HIP1R: variants seen among roughly 807,000 people sequenced by gnomAD.
HIP1R encodes huntingtin-interacting protein 1-related protein.
In HIP1R, 135 loss-of-function variants were observed where a neutral mutation model predicts 144.2. The ratio of observed to expected loss-of-function variants is 0.94; its 90% CI spans 0.81 to 1.08. The LOEUF (loss-of-function observed/expected upper bound fraction) is 1.08, where lower values mean the gene tolerates loss of function less well. Among genes scored for constraint, HIP1R ranks in the 50% least tolerant of loss-of-function variants. HIP1R has a pLI of 0.00. For synonymous variants in HIP1R, 698 were observed against 612.8 expected (o/e 1.14, Z -2.05); for missense variants, 1,462 against 1,432.8 (o/e 1.02, Z -0.33).
intron 1 of HIP1R, among the ~76,000 whole-genome samples, chr12:122,845,935 T>A (rs1167850237): frequency 4.6e-5 from 7 of 152,178 alleles, no homozygotes; most frequent in Non-Finnish European, 8.8e-5. Flanking sequence ...AGGGTCCCTA[T>A]CTCAGCCCCA....
At chr12:122,850,240 C>T in intron 5 of HIP1R, 1 of 582,936 alleles carries the variant, frequency 1.7e-6, no homozygotes. Context: ...TGGCCGGGTG[C>T]TCCCCTCCTC....
At position 122,860,527 on chromosome 12, in the gene HIP1R, G is replaced by T. The variant is rs1390290997; in HGVS notation, c.2660+4G>T. On this transcript the variant is annotated splice_donor_region_variant and intron_variant, in intron 27 of 31. Transcript: ENST00000253083. Reference sequence around the variant, plus strand: ...GCTGGGGAGCCACACAGCTGGTGTAGGTTGCCCTGGGTGGGGGGGGGCAGG... The same window carrying T: ...GCTGGGGAGCCACACAGCTGGTGTATGTTGCCCTGGGTGGGGGGGGGCAGG... The T allele has an allele frequency of 6.2e-7, 1 of 1,609,744 alleles. No individual in the cohort carries two copies. The highest frequency in any genetic ancestry group is 1.7e-5 in the Admixed American group (1 of 60,000).
Position 122,856,709 on chromosome 12 carries a change from C to G in HIP1R, c.1603C>G (p.Leu535Val). The G allele has an allele frequency of 1.3e-6, 2 of 1,579,628 alleles. No individual in the cohort carries two copies. The highest frequency in any genetic ancestry group is 1.7e-6 in the Non-Finnish European group (2 of 1,163,186). ...AGAGCTGGCCCGCGCGCAGGAGGCC[C>G]TGAGCCACACAGAGCAGGTGCATCT... ...AGELARAQEALSHTEQSKSEL... is the reference protein window; with the variant it reads ...AGELARAQEAVSHTEQSKSEL... Residue 535 changes from leucine (L) to valine (V), a missense_variant, in exon 17 of 32, where the codon CTG becomes GTG. Transcript: ENST00000253083.
At chr12:122,856,886 C>T in intron 17 of HIP1R, 135 bp from the exon 18 acceptor site, 1 of 1,054,554 alleles carries the variant, frequency 9.5e-7, no homozygotes, top group Non-Finnish European at 1.4e-6. Flanking sequence ...ACAGGACCTA[C>T]CGCTGGTCCT....
Position 122,836,591 on chromosome 12 carries a change from C to A in HIP1R, c.93+948C>A, listed in dbSNP as rs2032902430. On this transcript the variant is annotated intron_variant, in intron 1 of 31. Coordinates refer to ENST00000253083, the MANE Select transcript of HIP1R (RefSeq NM_003959.3). The surrounding 1 kb of genome is among the most constrained non-coding windows in gnomAD (Gnocchi z 4.1). ...GGAGGGGGGCATACTTGTTTATTTGCCAAAATAAGTCAACCAAGACTGAAA... is the reference window on the plus strand; with the variant it reads ...GGAGGGGGGCATACTTGTTTATTTGACAAAATAAGTCAACCAAGACTGAAA... Among the ~76,000 whole-genome samples the A allele has an allele frequency of 6.6e-6, 1 of 152,200 alleles. No individual in the cohort carries two copies. The highest frequency in any genetic ancestry group is 1.5e-5 in the Non-Finnish European group (1 of 68,012).
rs1157127974 is a variant in HIP1R at position 122,862,076 on chromosome 12, G to A, written c.*323G>A. 1.5e-5 allele frequency: 5 copies of A among 324,216 alleles called. No individual in the cohort carries two copies. The highest frequency in any genetic ancestry group is 2.8e-5 in the Non-Finnish European group (5 of 177,810). The allele number at this position is 324,216 out of a possible 1,614,324, so 20.1% of individuals were successfully genotyped here. The stretch of plus-strand genomic sequence containing the variant: ...GAAAATAGTGTTTTTAATATTCCGA[G>A]CTAGAGCTCTTCTTCCTACGTTTGT... On this transcript the variant is annotated 3_prime_UTR_variant, in exon 32 of 32. Coordinates refer to ENST00000253083, the MANE Select transcript of HIP1R (RefSeq NM_003959.3).
chr12:122,842,855 A>AGCTC (rs1216109302), intron 1 of HIP1R, among the ~76,000 whole-genome samples: 1 of 152,210 alleles, frequency 6.6e-6, no homozygotes, highest in Non-Finnish European at 1.5e-5. Flanking sequence ...GGACCAGTGC[A>AGCTC]GCTCTGGGCT....
chr12:122,855,843 T>G lies in HIP1R; in HGVS notation c.1068T>G (p.Ile356Met), dbSNP rs368348319. Residue 356 changes from isoleucine to methionine, a missense_variant, in exon 13 of 32, where the codon ATT (isoleucine) becomes ATG (methionine). Physicochemically the swap from Ile to Met is conservative, Grantham distance 10 (BLOSUM62 1). This residue lies in a region of HIP1R where 1,112 missense variants were observed against 1,011.7 expected (regional missense o/e 1.10). Coordinates refer to ENST00000253083, the MANE Select transcript of HIP1R (RefSeq NM_003959.3). ...GSVKDDRDLQ[I>M]ESLKREVEML... The stretch of plus-strand genomic sequence containing the variant: ...CCTCTGTCCCCAGGGACCTCCAGAT[T>G]GAGAGCTTGAAGAGAGAGGTGGAAA... 2.9e-5 allele frequency: 46 copies of G among 1,562,192 alleles called. No individual in the cohort carries two copies. Among genetic ancestry groups the G allele is most frequent in the Middle Eastern group, 3.3e-4 (2 of 6,022 alleles).
At position 122,856,257 on chromosome 12, in the gene HIP1R, G is replaced by A. The variant is rs975689586; in HGVS notation, c.1314G>A (p.Arg438=). ...CACTGCCCCTCCTCTCGCCCCCAGG[G>A]AAGGCCAGTGCCACGGAGGCGCGCT... ...RSQGLREEAE[R]KASATEARYN... The change falls in exon 15 of 32, where the codon AGG becomes AGA. Residue 438 remains arginine (R), a splice_region_variant and synonymous_variant. Transcript: ENST00000253083. The A allele has an allele frequency of 3.7e-6, 6 of 1,613,638 alleles. No homozygotes were observed. The highest frequency in any genetic ancestry group is 1.7e-5 in the Admixed American group (1 of 60,002).
intron 8 of HIP1R, 89 bp downstream of exon 8, chr12:122,854,272 A>T: frequency 8.6e-7 from 1 of 1,165,706 alleles, no homozygotes; most frequent in Non-Finnish European, 1.2e-6. Flanking sequence ...GAAAAATTAG[A>T]GGTTTATTCA....
chr12:122,858,785 G>C, intron 20 of HIP1R, 53 bp from the exon 21 acceptor site: 1 of 1,263,276 alleles, frequency 7.9e-7, no homozygotes, highest in South Asian at 1.2e-5. Flanking sequence ...TGGTCCCAGT[G>C]CTAGTGTCTC....
intron 1 of HIP1R, among the ~76,000 whole-genome samples, chr12:122,839,426 C>G (rs1422794001): frequency 6.6e-6 from 1 of 152,190 alleles, no homozygotes; most frequent in East Asian, 1.9e-4. Context: ...ATGAAACTAC[C>G]CAGGTGTAAG....
At position 122,861,804 on chromosome 12, in the gene HIP1R, A is replaced by C; in HGVS notation, c.*51A>C. The C allele has an allele frequency of 6.4e-7, 1 of 1,569,326 alleles. No homozygotes were observed. Among genetic ancestry groups the C allele is most frequent in the Non-Finnish European group, 8.8e-7 (1 of 1,141,326 alleles). Reference sequence around the variant, plus strand: ...CTGGTGACAGGCCTGGGCCTCTGCAACTGCCCTGACAGGACCGAGAGGCCT... The same window carrying C: ...CTGGTGACAGGCCTGGGCCTCTGCACCTGCCCTGACAGGACCGAGAGGCCT... On this transcript the variant is annotated 3_prime_UTR_variant, in exon 32 of 32. Transcript: ENST00000253083.
At chr12:122,850,268 C>T (rs892653667) in intron 5 of HIP1R, 3 of 548,778 alleles carry the variant, frequency 5.5e-6, no homozygotes, top group African/African-American at 1.9e-5. Flanking sequence ...CTCCACTGCC[C>T]TCTGCCACCT....
At position 122,862,763 on chromosome 12, in the gene HIP1R, C is replaced by T. The variant is rs1162946568; in HGVS notation, c.*1010C>T. 1 of 152,086 alleles carries T rather than the reference C, an allele frequency of 6.6e-6. No individual in the cohort carries two copies. Among genetic ancestry groups the T allele is most frequent in the Non-Finnish European group, 1.5e-5 (1 of 67,986 alleles). 9.4% of individuals were successfully genotyped at this position (152,086 alleles called of 1,614,324 possible). A position where few individuals can be genotyped will look rare whatever the true frequency, so the allele number is the denominator to read the frequency against. On this transcript the variant is annotated 3_prime_UTR_variant, in exon 32 of 32. Transcript: ENST00000253083. Reference sequence around the variant, plus strand: ...GACCAGGCTGGGAGGACAGAGCCAGCAGCTGCCATGCCCTCCTGCTCCCCC... The same window carrying T: ...GACCAGGCTGGGAGGACAGAGCCAGTAGCTGCCATGCCCTCCTGCTCCCCC...
Position 122,856,354 on chromosome 12 carries a change from G to T in HIP1R, c.1401+10G>T, listed in dbSNP as rs1386255275. On this transcript the variant is annotated intron_variant, in intron 15 of 31. Transcript: ENST00000253083. ...GGAGCTGCTCAGAAAGGTAGGTGCA[G>T]CCCATCCTCCATCCCAGCCGGTGGC... 4 of 1,613,522 alleles carry T rather than the reference G, an allele frequency of 2.5e-6. No homozygotes were observed. The East Asian group carries it at 6.7e-5, about 27-fold the overall frequency.
chr12:122,853,175 C>T (rs961039767), intron 7 of HIP1R, among the ~76,000 whole-genome samples: 3 of 152,128 alleles, frequency 2.0e-5, no homozygotes, highest in Admixed American at 2.0e-4. Flanking sequence ...TCATGTTTGT[C>T]CTTTGTCCCT....
At chr12:122,848,209 G>C in intron 2 of HIP1R, 115 bp downstream of exon 2, 1 of 1,146,024 alleles carries the variant, frequency 8.7e-7, no homozygotes, top group South Asian at 1.3e-5. Flanking sequence ...CACTGAGCCC[G>C]GGGAGGAGGG....
At chr12:122,849,132 C>T (rs545720613) in intron 4 of HIP1R, among the ~76,000 whole-genome samples, 3 of 152,388 alleles carry the variant, frequency 2.0e-5, no homozygotes, top group South Asian at 2.1e-4. Flanking sequence ...CCGGGCACCT[C>T]GGTGGTTAGA....
Sources: gnomAD v4.1 joint callset for allele counts (sites outside exome capture counted in the v4.1 genomes callset) on GRCh38, gnomAD v4.1.1 for gene constraint, gnomAD v4.1.1 regional missense constraint, Gnocchi (gnomAD v3.1) non-coding constraint, MANE v1.5 for transcripts, NCBI Gene and HGNC (gene_info 2026-07-23, HGNC 2026-07-21) for gene names.